The following CEP350 variants were observed in gnomAD, a reference collection of about 807,000 sequenced individuals.
CEP350 encodes the protein centrosome-associated protein 350.
In CEP350, 126 loss-of-function variants were observed where a neutral mutation model predicts 331.8. The observed-to-expected ratio is 0.38, with a 90% CI of 0.33 to 0.44. The LOEUF is 0.44. CEP350 is among the 20% of genes least tolerant of loss of function. The probability of loss-of-function intolerance (pLI) is 1.00; values close to 1 mark genes in which losing one functional copy is unlikely to be tolerated. For synonymous variants in CEP350, 1,200 were observed against 1,259.5 expected, an observed-to-expected ratio of 0.95 and a Z score of 1.00; for missense variants, 3,406 against 3,634.6, an observed-to-expected ratio of 0.94 and a Z score of 1.62.
chr1:180,105,704 A>G (rs116270296), intron 37 of CEP350, among the ~76,000 whole-genome samples: 1,578 of 152,284 alleles, frequency 0.01, 29 homozygotes, highest in African/African-American at 0.034. Flanking sequence ...TATGCAATAA[A>G]TCCCATTTGA....
chr1:180,007,010 T>C (rs1258175316), intron 8 of CEP350, among the ~76,000 whole-genome samples: 1 of 152,218 alleles, frequency 6.6e-6, no homozygotes, highest in African/African-American at 2.4e-5. Flanking sequence ...AGTCAATCAT[T>C]GATGGGCATT....
chr1:179,988,254 A>G (rs1652788050), intron 3 of CEP350, among the ~76,000 whole-genome samples: 1 of 151,538 alleles, frequency 6.6e-6, no homozygotes, highest in Admixed American at 6.6e-5. Flanking sequence ...CTATGATCAC[A>G]CCACTGCATT....
In CEP350 at chr1:180,075,195, T is replaced by C; in HGVS notation, c.5741T>C (p.Leu1914Pro). The C allele has an allele frequency of 1.9e-6, 3 of 1,612,570 alleles. No individual in the cohort carries two copies. The highest frequency in any genetic ancestry group is 2.5e-6 in the Non-Finnish European group (3 of 1,179,306). The change falls in exon 28 of 38, where the codon CTG becomes CCG. Residue 1914 changes from leucine (L) to proline (P), a missense_variant. Transcript: ENST00000367607. The stretch of plus-strand genomic sequence containing the variant: ...AAACCCAAAACTCCTAAGAAAGAAC[T>C]GGAGGACCAGAGAACAGAACAGAAA... ...LIKPKTPKKE[L>P]EDQRTEQKEI...
At chr1:180,010,639 T>C (rs1356831293) in intron 8 of CEP350, among the ~76,000 whole-genome samples, 6 of 151,634 alleles carry the variant, frequency 4.0e-5, no homozygotes, top group Non-Finnish European at 8.8e-5. Context: ...TCTCACTCAG[T>C]GTCCCAGGCT....
intron 1 of CEP350, among the ~76,000 whole-genome samples, chr1:179,975,857 C>T (rs1048306482): frequency 2.6e-5 from 4 of 152,060 alleles, no homozygotes; most frequent in Non-Finnish European, 5.9e-5. Flanking sequence ...GAAATAAAGC[C>T]ATGAAAGTAC....
intron 36 of CEP350, among the ~76,000 whole-genome samples, chr1:180,096,919 G>T (rs1660510645): frequency 6.6e-6 from 1 of 152,180 alleles, no homozygotes; most frequent in Non-Finnish European, 1.5e-5. Context: ...TGATTTAGTA[G>T]GTCTGGAGTA....
chr1:179,975,184 T>C (rs1269274923), intron 1 of CEP350, among the ~76,000 whole-genome samples: 2 of 152,310 alleles, frequency 1.3e-5, no homozygotes, highest in Non-Finnish European at 2.9e-5. Context: ...AATGAAATTT[T>C]CTGGATATTC....
rs571973384 is a variant in CEP350, at chr1:180,033,899, A to T, written c.3763A>T (p.Thr1255Ser). The change falls in exon 16 of 38, where the codon ACT becomes TCT. Residue 1255 changes from threonine to serine, a missense_variant. This residue lies in a region of CEP350 where 1,857 missense variants were observed against 1,909.2 expected (regional missense o/e 0.97). Transcript: ENST00000367607. ...SDKGRSQKTP[T>S]SPLSPSSQKS... is the part of the protein sequence containing the mutation. ...TAAGGGAAGATCTCAGAAAACTCCAACTTCTCCCCTGTCACCAAGTTCCCA... is the reference window on the plus strand; with the variant it reads ...TAAGGGAAGATCTCAGAAAACTCCATCTTCTCCCCTGTCACCAAGTTCCCA... 2.4e-5 allele frequency: 38 copies of T among 1,613,770 alleles called. No individual in the cohort carries two copies. The highest frequency in any genetic ancestry group is 3.2e-5 in the Non-Finnish European group (38 of 1,179,808).
Position 180,014,305 on chromosome 1 carries a change from C to G in CEP350, c.1852C>G (p.Gln618Glu), listed in dbSNP as rs1284544121. The stretch of plus-strand genomic sequence containing the variant: ...AAAGCAAAATGAAGAGAAGAAGGCT[C>G]AAAAGGAGGCTACAGAACAGAAAAA... ...KRKQNEEKKA[Q>E]KEATEQKNKR... The change falls in exon 10 of 38, where the codon CAA becomes GAA. Residue 618 changes from glutamine to glutamate, a missense_variant. Gln to Glu is a conservative substitution (Grantham distance 29). Coordinates refer to ENST00000367607, the MANE Select transcript of CEP350 (RefSeq NM_014810.5). The G allele has an allele frequency of 6.3e-7, 1 of 1,593,478 alleles. No individual in the cohort carries two copies. Among genetic ancestry groups the G allele is most frequent in the Non-Finnish European group, 8.5e-7 (1 of 1,169,718 alleles).
chr1:180,060,248 G>A (rs1658109303), intron 25 of CEP350, among the ~76,000 whole-genome samples: 1 of 152,180 alleles, frequency 6.6e-6, no homozygotes, highest in African/African-American at 2.4e-5. Flanking sequence ...TTTGAGAACT[G>A]CTACTCCAGA....
chr1:179,972,509 A>G (rs1453246299), intron 1 of CEP350, among the ~76,000 whole-genome samples: 1 of 151,908 alleles, frequency 6.6e-6, no homozygotes, highest in African/African-American at 2.4e-5. Flanking sequence ...TGTTTATTTT[A>G]TTTTTTATTT....
At chr1:179,995,466 A>C (rs2148709415) in intron 5 of CEP350, among the ~76,000 whole-genome samples, 1 of 152,284 alleles carries the variant, frequency 6.6e-6, no homozygotes, top group Admixed American at 6.5e-5. Flanking sequence ...TTAGCCAGGC[A>C]TCATGGCACA....
intron 28 of CEP350, among the ~76,000 whole-genome samples, chr1:180,078,058 G>A (rs550964038): frequency 6.6e-6 from 1 of 151,878 alleles, no homozygotes; most frequent in African/African-American, 2.4e-5. Flanking sequence ...ACTTGATCCC[G>A]GGAAGCGAAG....
At chr1:180,099,780 A>AT (rs200255438) in intron 37 of CEP350, among the ~76,000 whole-genome samples, 4,339 of 119,264 alleles carry the variant, frequency 0.036, 276 homozygotes, top group African/African-American at 0.11. Flanking sequence ...GCCTTATTTG[A>AT]TTTTTTTTTT....
intron 25 of CEP350, among the ~76,000 whole-genome samples, chr1:180,059,980 TAA>T (rs112828908): frequency 6.7e-6 from 1 of 150,028 alleles, no homozygotes; most frequent in Non-Finnish European, 1.5e-5. Context: ...TGCACAATGT[TAA>T]AAAAAAAATC....
rs755359398 is a variant in CEP350, at chr1:180,078,493, C to G, written c.5798C>G (p.Pro1933Arg). 1.2e-6 allele frequency: 2 copies of G among 1,613,094 alleles called. No individual in the cohort carries two copies. The highest frequency in any genetic ancestry group is 1.3e-5 in the African/African-American group (1 of 74,896). The change falls in exon 29 of 38, where the codon CCT becomes CGT. Residue 1933 changes from proline (P) to arginine (R), a missense_variant. Physicochemically the swap from Pro to Arg is moderately radical, Grantham distance 103. Transcript: ENST00000367607. ...EIASEEESPV[P>R]LYSHLNSESS... ...GCAAGTGAAGAGGAATCTCCAGTAC[C>G]TCTGTACTCTCATCTAAACAGTGAA...
At chr1:179,956,828 A>G (rs1467069686) in intron 1 of CEP350, among the ~76,000 whole-genome samples, 1 of 151,568 alleles carries the variant, frequency 6.6e-6, no homozygotes, top group African/African-American at 2.4e-5. Context: ...CACACAAGGA[A>G]GATCATTTAT....
In CEP350 at chr1:179,986,221, C is replaced by T. The variant is rs1469755079; in HGVS notation, c.40C>T (p.Pro14Ser). ...ATCAAAAGAGGTGCCTTTACCAAAT[C>T]CAAGGAACTCTCAAAGCAAGGATAC... is the stretch of plus-strand genomic sequence containing the variant. ...SKSKEVPLPN[P>S]RNSQSKDTVQ... is the part of the protein sequence containing the mutation. Residue 14 changes from proline to serine, a missense_variant, in exon 2 of 38, where the codon CCA (proline) becomes TCA (serine). Physicochemically the swap from Pro to Ser is moderately conservative, Grantham distance 74. Coordinates refer to ENST00000367607, the MANE Select transcript of CEP350 (RefSeq NM_014810.5). 6 of 1,551,014 alleles carry T rather than the reference C, an allele frequency of 3.9e-6. No homozygotes were observed. The highest frequency in any genetic ancestry group is 5.2e-6 in the Non-Finnish European group (6 of 1,146,660).
intron 17 of CEP350, among the ~76,000 whole-genome samples, chr1:180,038,704 C>T (rs1656539296): frequency 6.6e-6 from 1 of 152,032 alleles, no homozygotes; most frequent in African/African-American, 2.4e-5. Context: ...CTTTTACCCC[C>T]TTCATTATGG....
Sources: gnomAD v4.1 joint callset for allele counts (sites outside exome capture counted in the v4.1 genomes callset) on GRCh38, gnomAD v4.1.1 for gene constraint, gnomAD v4.1.1 regional missense constraint, MANE v1.5 for transcripts, NCBI Gene and HGNC (gene_info 2026-07-23, HGNC 2026-07-21) for gene names.